Variants in JAKMIP1 observed in about 807,000 individuals in gnomAD.
JAKMIP1 encodes the protein janus kinase and microtubule-interacting protein 1.
JAKMIP1 carries 33 observed loss-of-function variants against 113.0 expected under a neutral mutation model. That is an observed-to-expected ratio of 0.29 (90% confidence interval 0.22 to 0.39). The LOEUF is 0.39. Among genes scored for constraint, JAKMIP1 ranks in the 10% least tolerant of loss-of-function variants. The pLI is 1.00. For synonymous variants in JAKMIP1, 480 were observed against 459.9 expected, an observed-to-expected ratio of 1.04 and a Z score of -0.56; for missense variants, 813 against 1,080.5, an observed-to-expected ratio of 0.75 and a Z score of 3.47.
chr4:6,077,013 C>T (rs373909288), intron 8 of JAKMIP1, among the ~76,000 whole-genome samples: 3 of 152,086 alleles, frequency 2.0e-5, no homozygotes, highest in African/African-American at 7.2e-5. Context: ...GATGTTCAAC[C>T]TGTATTTGGA....
intron 3 of JAKMIP1, among the ~76,000 whole-genome samples, chr4:6,095,468 T>A (rs1280153111): frequency 6.6e-6 from 1 of 152,208 alleles, no homozygotes; most frequent in Non-Finnish European, 1.5e-5. Flanking sequence ...CCTGCCAACC[T>A]GTCACCTGCT....
In JAKMIP1 at chr4:6,115,043, A is replaced by G. The variant is rs368051670; in HGVS notation, c.-147-2046T>C. Among the ~76,000 whole-genome samples, 149 of 152,354 alleles carry G rather than the reference A, an allele frequency of 9.8e-4. 3 individuals carry two copies. In the South Asian group the frequency reaches 0.031, roughly 31 times the overall value. Reference sequence around the variant, plus strand: ...TCAGCCAGAAGGGATAGATTAAGTAAATGATGTCTAAGCCCCGACAGAAAA... The same window carrying G: ...TCAGCCAGAAGGGATAGATTAAGTAGATGATGTCTAAGCCCCGACAGAAAA... On this transcript the variant is annotated intron_variant, in intron 1 of 20. Coordinates refer to ENST00000409021, the MANE Select transcript of JAKMIP1 (RefSeq NM_001099433.2).
Position 6,164,109 on chromosome 4 carries a change from A to C in JAKMIP1, c.-148+36144T>G, listed in dbSNP as rs916715112. On this transcript the variant is annotated intron_variant, in intron 1 of 20. Coordinates refer to ENST00000409021, the MANE Select transcript of JAKMIP1 (RefSeq NM_001099433.2). ...AACAGATTTTCCATGCAGATGAAAC[A>C]ACCTTATATTGGAAGAAGATGCCAT... 9.2e-5 allele frequency among the ~76,000 whole-genome samples: 14 copies of C among 152,368 alleles called. No homozygotes were observed. The Middle Eastern group carries it at 0.01, about 111-fold the overall frequency.
rs1296590167 is a variant in JAKMIP1 at position 6,081,129 on chromosome 4, A to G, written c.1101+480T>C. Reference sequence around the variant, plus strand: ...AACAATGAACCTGAAATCATTCTGTAAACTGTCAACTACAAGACGCCTGCC... The same window carrying G: ...AACAATGAACCTGAAATCATTCTGTGAACTGTCAACTACAAGACGCCTGCC... On this transcript the variant is annotated intron_variant, in intron 6 of 20. Coordinates refer to ENST00000409021, the MANE Select transcript of JAKMIP1 (RefSeq NM_001099433.2). The surrounding 1 kb of genome is among the most constrained non-coding windows in gnomAD (Gnocchi z 4.6). 6.6e-6 allele frequency among the ~76,000 whole-genome samples: 1 copy of G among 152,150 alleles called. No homozygotes were observed. Among genetic ancestry groups the G allele is most frequent in the Non-Finnish European group, 1.5e-5 (1 of 68,030 alleles).
rs116298655 is a variant in JAKMIP1 at position 6,036,127 on chromosome 4, C to T, written c.2176-20G>A. On this transcript the variant is annotated intron_variant, in intron 18 of 20. Transcript: ENST00000409021. ...GATTTTCTGAGGACCCCAGATCACA[C>T]AGACAGAGGAAGGTCACAAGGAGGT... is the stretch of plus-strand genomic sequence containing the variant. 568 of 1,525,392 alleles carry T rather than the reference C, an allele frequency of 3.7e-4. 5 individuals are homozygous for T. The African/African-American group carries it at 7.1e-3, about 19-fold the overall frequency. 94.5% of individuals were successfully genotyped at this position (1,525,392 alleles called of 1,614,324 possible).
intron 1 of JAKMIP1, among the ~76,000 whole-genome samples, chr4:6,120,443 A>G (rs957885532): frequency 6.6e-6 from 1 of 152,178 alleles, no homozygotes; most frequent in Admixed American, 6.5e-5. Flanking sequence ...TGGCAGTGGA[A>G]AACTGGAAAT....
Position 6,141,415 on chromosome 4 carries a change from G to A in JAKMIP1, c.-147-28418C>T, listed in dbSNP as rs910654158. Among the ~76,000 whole-genome samples, 5 of 151,644 alleles carry A rather than the reference G, an allele frequency of 3.3e-5. No homozygotes were observed. Among genetic ancestry groups the A allele is most frequent in the South Asian group, 2.1e-4 (1 of 4,826 alleles). Reference sequence around the variant, plus strand: ...CCTGCTACTGCACCCCAGCCTGGGCGACAGAGTGAAACCCTGTCTCAAAAT... The same window carrying A: ...CCTGCTACTGCACCCCAGCCTGGGCAACAGAGTGAAACCCTGTCTCAAAAT... On this transcript the variant is annotated intron_variant, in intron 1 of 20. Coordinates refer to ENST00000409021, the MANE Select transcript of JAKMIP1 (RefSeq NM_001099433.2). This position sits in a 1 kb window ranked among gnomAD's most constrained non-coding sequence, Gnocchi z 9.4.
rs1727545911 is a variant in JAKMIP1, at chr4:6,193,859, C to A, written c.-148+6394G>T. On this transcript the variant is annotated intron_variant, in intron 1 of 20. Transcript: ENST00000409021. The surrounding 1 kb of genome is among the most constrained non-coding windows in gnomAD (Gnocchi z 6.4). ...GAAGAAAATGTTAACACCCTGAGCACTGCTTCCAACACCAGCCGCAAAGGT... is the reference window on the plus strand; with the variant it reads ...GAAGAAAATGTTAACACCCTGAGCAATGCTTCCAACACCAGCCGCAAAGGT... Among the ~76,000 whole-genome samples the A allele has an allele frequency of 6.6e-6, 1 of 152,182 alleles. No individual in the cohort carries two copies. Among genetic ancestry groups the A allele is most frequent in the South Asian group, 2.1e-4 (1 of 4,832 alleles).
intron 20 of JAKMIP1, among the ~76,000 whole-genome samples, chr4:6,026,634 G>A (rs866056222): frequency 8.6e-5 from 13 of 151,960 alleles, no homozygotes; most frequent in South Asian, 6.3e-4. Flanking sequence ...AGGCCCAGCC[G>A]ATGGTCATGG....
chr4:6,090,022 G>A (rs1270166921), intron 3 of JAKMIP1, among the ~76,000 whole-genome samples: 1 of 152,152 alleles, frequency 6.6e-6, no homozygotes, highest in African/African-American at 2.4e-5. Context: ...AGGAGTCTGA[G>A]ACCAACCTGG....
chr4:6,085,452 T>C lies in JAKMIP1; in HGVS notation c.802A>G (p.Ile268Val). 1 of 1,613,906 alleles carries C rather than the reference T, an allele frequency of 6.2e-7. No individual in the cohort carries two copies. Among genetic ancestry groups the C allele is most frequent in the South Asian group, 1.1e-5 (1 of 91,084 alleles). ...CCCATGAGCTCCACCATGTCCCCGA[T>C]CCCGGGCGGGAGCTCTCTCTTTGGA... ...SSPKRELPPGIGDMVELMGVQ... is the reference protein window; with the variant it reads ...SSPKRELPPGVGDMVELMGVQ... The change falls in exon 4 of 21, where the codon ATC (isoleucine) becomes GTC (valine). Residue 268 changes from isoleucine (I) to valine (V), a missense_variant. Transcript: ENST00000409021.
Position 6,031,181 on chromosome 4 carries a change from C to T in JAKMIP1, c.2380-1400G>A, listed in dbSNP as rs1424388645. ...GGCACGGTGGCTCAAGCCTGTAATC[C>T]CAGCACTTTTGGAGGCCGAGGCAGG... On this transcript the variant is annotated intron_variant, in intron 19 of 20. Transcript: ENST00000409021. This position sits in a 1 kb window ranked among gnomAD's most constrained non-coding sequence, Gnocchi z 4.4. Among the ~76,000 whole-genome samples the T allele has an allele frequency of 6.6e-6, 1 of 152,112 alleles. No individual in the cohort carries two copies. The highest frequency in any genetic ancestry group is 1.5e-5 in the Non-Finnish European group (1 of 68,032).
chr4:6,031,301 G>T lies in JAKMIP1; in HGVS notation c.2380-1520C>A, dbSNP rs138166510. On this transcript the variant is annotated intron_variant, in intron 19 of 20. Transcript: ENST00000409021. The surrounding 1 kb of genome is among the most constrained non-coding windows in gnomAD (Gnocchi z 4.4). ...AAAAATGAGCCGGGCTTGGTGGTGC[G>T]CTCCTGTAGGGAGGCTGAGACAGGA... Among the ~76,000 whole-genome samples the T allele has an allele frequency of 6.6e-6, 1 of 152,052 alleles. No homozygotes were observed. Among genetic ancestry groups the T allele is most frequent in the Non-Finnish European group, 1.5e-5 (1 of 67,994 alleles).
intron 1 of JAKMIP1, among the ~76,000 whole-genome samples, chr4:6,120,904 CA>C (rs1716617057): frequency 6.6e-6 from 1 of 151,610 alleles, no homozygotes; most frequent in African/African-American, 2.4e-5. Context: ...AAAGCAAGCT[CA>C]AAAAATGGCA....
At chr4:6,124,819 T>C (rs1578306862) in intron 1 of JAKMIP1, among the ~76,000 whole-genome samples, 2 of 152,198 alleles carry the variant, frequency 1.3e-5, no homozygotes, top group African/African-American at 4.8e-5. Context: ...GCCACACCTC[T>C]TTGGGGCAAA....
intron 3 of JAKMIP1, among the ~76,000 whole-genome samples, chr4:6,102,437 G>T (rs1017984454): frequency 4.6e-5 from 7 of 152,112 alleles, no homozygotes; most frequent in African/African-American, 1.7e-4. Context: ...AATATGAGCT[G>T]CCTGCCTCTC....
chr4:6,039,430 C>T (rs570085727), intron 18 of JAKMIP1, among the ~76,000 whole-genome samples: 23 of 152,262 alleles, frequency 1.5e-4, no homozygotes, highest in African/African-American at 4.3e-4. Context: ...CTACGCTTTG[C>T]GGGACCCTAA....
At chr4:6,196,868 A>C (rs1185760263) in intron 1 of JAKMIP1, among the ~76,000 whole-genome samples, 1 of 152,046 alleles carries the variant, frequency 6.6e-6, no homozygotes, top group Non-Finnish European at 1.5e-5. Flanking sequence ...TCAAAAAAAA[A>C]AAAAAAACAA....
At chr4:6,190,932 C>T (rs551108053) in intron 1 of JAKMIP1, among the ~76,000 whole-genome samples, 11 of 152,186 alleles carry the variant, frequency 7.2e-5, no homozygotes, top group Non-Finnish European at 1.6e-4. Flanking sequence ...AACAAGAGCA[C>T]AGGCGGCCTG....
Sources: allele counts gnomAD v4.1 joint callset (sites outside exome capture counted in the v4.1 genomes callset), GRCh38; gene constraint gnomAD v4.1.1; non-coding constraint Gnocchi (gnomAD v3.1); transcripts MANE v1.5; gene names NCBI Gene and HGNC (gene_info 2026-07-23, HGNC 2026-07-21).